GLIS3: variants seen among roughly 807,000 people sequenced by gnomAD.
GLIS3 encodes zinc finger protein GLIS3.
In GLIS3, 53 loss-of-function variants were observed where a neutral mutation model predicts 78.6. That is an observed-to-expected ratio of 0.67 (90% CI 0.54 to 0.85). The LOEUF is 0.85. Among genes scored for constraint, GLIS3 ranks in the 40% least tolerant of loss-of-function variants. The pLI, the probability that GLIS3 is intolerant of heterozygous loss-of-function variation, is 0.00. For missense variants in GLIS3, 1,703 were observed against 1,231.1 expected (o/e 1.38, Z -5.74); for synonymous variants, 684 against 509.9 (o/e 1.34, Z -4.60).
At chr9:4,006,057 T>C (rs1426631816) in intron 4 of GLIS3, among the ~76,000 whole-genome samples, 2 of 152,160 alleles carry the variant, frequency 1.3e-5, no homozygotes, top group Non-Finnish European at 2.9e-5. Flanking sequence ...CTGAAATTCA[T>C]AGCTATTATG....
At chr9:4,082,667 C>A (rs557362165) in intron 4 of GLIS3, among the ~76,000 whole-genome samples, 2 of 152,080 alleles carry the variant, frequency 1.3e-5, no homozygotes, top group Admixed American at 6.6e-5. Context: ...ATCAGTGTCC[C>A]GGGAGGCAGT....
At chr9:4,403,952 G>T in the GLIS3 span, among the ~76,000 whole-genome samples, 3 of 152,078 alleles carry the variant, frequency 2.0e-5, no homozygotes, top group Non-Finnish European at 4.4e-5. Context: ...GAGAAAATAA[G>T]ATCCAATGAT....
chr9:4,187,985 T>TAGGAA (rs1206598413), intron 2 of GLIS3, among the ~76,000 whole-genome samples: 2 of 152,108 alleles, frequency 1.3e-5, no homozygotes, highest in Admixed American at 6.6e-5. Flanking sequence ...GAATACCCTT[T>TAGGAA]ATTTCCTTCT....
chr9:4,223,154 C>T (rs1821477729), intron 2 of GLIS3, among the ~76,000 whole-genome samples: 2 of 152,176 alleles, frequency 1.3e-5, no homozygotes, highest in Admixed American at 6.5e-5. Context: ...CATTTTACAA[C>T]TTAAAAAATG....
Position 3,829,391 on chromosome 9 carries a change from C to G in GLIS3, c.2575G>C (p.Asp859His). Reference sequence around the variant, plus strand: ...CCCATGGATGTAGGGACTAGGCAGTCCTCAAACGAAGGCACCACACTGCAG... The same window carrying G: ...CCCATGGATGTAGGGACTAGGCAGTGCTCAAACGAAGGCACCACACTGCAG... ...SSCSVVPSFE[D>H]CLVPTSMGQA... The change falls in exon 10 of 11, where the codon GAC becomes CAC. Residue 859 changes from aspartate (D) to histidine (H), a missense_variant. Coordinates refer to ENST00000381971, the MANE Select transcript of GLIS3 (RefSeq NM_001042413.2). 1 of 1,614,124 alleles carries G rather than the reference C, an allele frequency of 6.2e-7. No individual in the cohort carries two copies. Among genetic ancestry groups the G allele is most frequent in the Non-Finnish European group, 8.5e-7 (1 of 1,179,998 alleles).
chr9:3,912,054 A>G (rs553183720), intron 6 of GLIS3, among the ~76,000 whole-genome samples: 1 of 152,302 alleles, frequency 6.6e-6, no homozygotes, highest in South Asian at 2.1e-4. Context: ...CCCTACTGCT[A>G]TGTGGCCTTT....
At chr9:4,293,367 A>C (rs1816194581) in intron 1 of GLIS3, among the ~76,000 whole-genome samples, 1 of 152,222 alleles carries the variant, frequency 6.6e-6, no homozygotes, top group Admixed American at 6.5e-5. Context: ...AAAGTGACCG[A>C]TGTAACTATT....
chr9:4,410,572 T>C, the GLIS3 span, among the ~76,000 whole-genome samples: 2 of 152,228 alleles, frequency 1.3e-5, no homozygotes, highest in African/African-American at 2.4e-5. Context: ...AGAGGTCAGA[T>C]GGTTGTACAT....
intron 4 of GLIS3, among the ~76,000 whole-genome samples, chr9:4,017,394 A>C (rs1822525867): frequency 6.6e-6 from 1 of 152,212 alleles, no homozygotes. Flanking sequence ...AAGTAGACAA[A>C]AGATACACTG....
At chr9:4,319,983 T>TTGTG (rs58794068) in intron 2 of GLIS3, among the ~76,000 whole-genome samples, 1,570 of 145,120 alleles carry the variant, frequency 0.011, 17 homozygotes, top group Non-Finnish European at 0.016. Context: ...GTAGAGGGGG[T>TTGTG]TGTGTGTGTG....
At chr9:4,193,205 A>G (rs1818492809) in intron 2 of GLIS3, among the ~76,000 whole-genome samples, 1 of 152,268 alleles carries the variant, frequency 6.6e-6, no homozygotes, top group South Asian at 2.1e-4. Flanking sequence ...ATGGGCTAAG[A>G]ATGTTCTTTA....
chr9:4,380,522 C>T, the GLIS3 span, among the ~76,000 whole-genome samples: 2 of 152,204 alleles, frequency 1.3e-5, no homozygotes, highest in African/African-American at 2.4e-5. Context: ...CAGTACATCT[C>T]ACACTTTTGC....
intron 4 of GLIS3, among the ~76,000 whole-genome samples, chr9:4,086,290 C>T (rs777275378): frequency 1.3e-5 from 2 of 152,190 alleles, no homozygotes; most frequent in Non-Finnish European, 2.9e-5. Context: ...CTCTATGAAA[C>T]TTCCCCAACC....
At chr9:4,218,580 G>A (rs2131322854) in intron 2 of GLIS3, among the ~76,000 whole-genome samples, 1 of 152,164 alleles carries the variant, frequency 6.6e-6, no homozygotes, top group African/African-American at 2.4e-5. Flanking sequence ...GCCCGGCCTT[G>A]AACTTTTTAC....
intron 4 of GLIS3, among the ~76,000 whole-genome samples, chr9:4,018,799 T>C (rs1822637514): frequency 6.6e-6 from 1 of 152,174 alleles, no homozygotes; most frequent in Non-Finnish European, 1.5e-5. Flanking sequence ...ATCACTGCAA[T>C]GGAGGGAAAG....
intron 8 of GLIS3, 100 bp from the exon 9 acceptor site, chr9:3,856,284 C>T (rs1446587559): frequency 1.9e-6 from 2 of 1,062,246 alleles, no homozygotes; most frequent in Non-Finnish European, 2.8e-6. Flanking sequence ...TCTGGCTATA[C>T]AAGAGCGTGA....
At chr9:4,062,211 T>C (rs549559016) in intron 4 of GLIS3, among the ~76,000 whole-genome samples, 1 of 152,376 alleles carries the variant, frequency 6.6e-6, no homozygotes, top group African/African-American at 2.4e-5. Flanking sequence ...ACATTACCCC[T>C]GTGCCTTAGC....
At chr9:4,290,319 G>A (rs1296423817) in intron 1 of GLIS3, among the ~76,000 whole-genome samples, 1 of 152,118 alleles carries the variant, frequency 6.6e-6, no homozygotes, top group East Asian at 1.9e-4. Context: ...ATACTGGCCA[G>A]CAAACAAACT....
chr9:3,862,507 T>C (rs1176828417), intron 8 of GLIS3, among the ~76,000 whole-genome samples: 1 of 152,202 alleles, frequency 6.6e-6, no homozygotes, highest in African/African-American at 2.4e-5. Flanking sequence ...AAGTATTTCT[T>C]TGTCAATGTA....
Sources: gnomAD v4.1 joint callset for allele counts (sites outside exome capture counted in the v4.1 genomes callset) on GRCh38, gnomAD v4.1.1 for gene constraint, MANE v1.5 for transcripts, NCBI Gene and HGNC (gene_info 2026-07-23, HGNC 2026-07-21) for gene names.